The following CNIH3 variants were observed in gnomAD, a reference collection of about 807,000 sequenced individuals.
CNIH3 encodes the protein cornichon family AMPA receptor auxiliary protein 3.
CNIH3 carries 14 observed loss-of-function variants against 24.1 expected under a neutral mutation model. That is an observed-to-expected ratio of 0.58 (90% confidence interval 0.38 to 0.91). The LOEUF (loss-of-function observed/expected upper bound fraction) is 0.91, where lower values mean the gene tolerates loss of function less well. Among genes scored for constraint, CNIH3 ranks in the 40% least tolerant of loss-of-function variants. The probability of loss-of-function intolerance (pLI) is 0.00; values close to 1 mark genes in which losing one functional copy is unlikely to be tolerated. For missense variants in CNIH3, 178 were observed against 196.8 expected (o/e 0.90, Z 0.57); for synonymous variants, 68 against 73.8 (o/e 0.92, Z 0.40).
At chr1:224,470,318 T>G (rs1399169339) in intron 1 of CNIH3, among the ~76,000 whole-genome samples, 1 of 130,488 alleles carries the variant, frequency 7.7e-6, no homozygotes, top group Non-Finnish European at 1.6e-5. Flanking sequence ...GTGCCTGGCC[T>G]TTTTTTTTTT....
At chr1:224,670,865 G>A (rs202060042) in intron 1 of CNIH3, among the ~76,000 whole-genome samples, 2 of 152,254 alleles carry the variant, frequency 1.3e-5, no homozygotes, top group Non-Finnish European at 1.5e-5. Flanking sequence ...TGGCTATGAT[G>A]TCTAGATATG....
At chr1:224,583,789 G>A (rs995181385) in intron 5 of CNIH3, among the ~76,000 whole-genome samples, 12 of 152,172 alleles carry the variant, frequency 7.9e-5, no homozygotes, top group Non-Finnish European at 1.6e-4. Flanking sequence ...TGAAATAGAA[G>A]GTGATTGTAA....
intron 1 of CNIH3, among the ~76,000 whole-genome samples, chr1:224,461,062 G>T (rs1457115513): frequency 6.6e-6 from 1 of 151,216 alleles, no homozygotes; most frequent in Non-Finnish European, 1.5e-5. Flanking sequence ...GAGTGCAGTG[G>T]GGCGAGCTCA....
At chr1:224,735,253 T>G (rs1442911110) in intron 5 of CNIH3, among the ~76,000 whole-genome samples, 1 of 152,192 alleles carries the variant, frequency 6.6e-6, no homozygotes, top group Non-Finnish European at 1.5e-5. Context: ...CCATTCCAAT[T>G]AAGAAAAACC....
chr1:224,726,746 T>A (rs1689045495), intron 3 of CNIH3, among the ~76,000 whole-genome samples: 1 of 152,170 alleles, frequency 6.6e-6, no homozygotes, highest in Admixed American at 6.5e-5. Flanking sequence ...CCACAATACT[T>A]ATATTGAGAT....
Position 224,703,401 on chromosome 1 carries a change from C to T in CNIH3, c.198+18558C>T, listed in dbSNP as rs13375148. Among the ~76,000 whole-genome samples the T allele has an allele frequency of 6.6e-3, 998 of 152,256 alleles. 11 individuals are homozygous for T. Among genetic ancestry groups the T allele is most frequent in the African/African-American group, 0.023 (935 of 41,542 alleles). On this transcript the variant is annotated intron_variant, in intron 3 of 5. Coordinates refer to ENST00000272133, the MANE Select transcript of CNIH3 (RefSeq NM_152495.2). The surrounding 1 kb of genome is among the most constrained non-coding windows in gnomAD (Gnocchi z 4.2). Reference sequence around the variant, plus strand: ...GGGGGAAATTTTAAAAATCCTGATGCCCAGAATTCATCCCAAACCAATTAA... The same window carrying T: ...GGGGGAAATTTTAAAAATCCTGATGTCCAGAATTCATCCCAAACCAATTAA...
At chr1:224,666,530 A>C (rs1399948440) in intron 1 of CNIH3, among the ~76,000 whole-genome samples, 2 of 152,206 alleles carry the variant, frequency 1.3e-5, no homozygotes, top group South Asian at 2.1e-4. Context: ...GTTTTTCTGC[A>C]GGTGATCATT....
chr1:224,730,846 GGA>G (rs943371884), intron 4 of CNIH3, among the ~76,000 whole-genome samples: 22 of 152,266 alleles, frequency 1.4e-4, no homozygotes, highest in Admixed American at 1.2e-3. Flanking sequence ...GCCAAAGAGT[GGA>G]ACCAACCCAA....
At chr1:224,571,761 A>G (rs1558171624) in intron 4 of CNIH3, among the ~76,000 whole-genome samples, 1 of 152,070 alleles carries the variant, frequency 6.6e-6, no homozygotes, top group Non-Finnish European at 1.5e-5. Context: ...AGCAGGTCCA[A>G]CAGGAAGAGG....
At chr1:224,533,096 T>C (rs1325664954) in intron 2 of CNIH3, among the ~76,000 whole-genome samples, 3 of 152,140 alleles carry the variant, frequency 2.0e-5, no homozygotes, top group Admixed American at 6.5e-5. Flanking sequence ...TGAGTCAGGC[T>C]GTGAGAAAAG....
chr1:224,666,847 C>T (rs1252777733), intron 1 of CNIH3, among the ~76,000 whole-genome samples: 1 of 152,234 alleles, frequency 6.6e-6, no homozygotes, highest in Non-Finnish European at 1.5e-5. Context: ...CTTCTCCACT[C>T]TTGGGCTACC....
chr1:224,720,041 G>A (rs560320791), intron 3 of CNIH3, among the ~76,000 whole-genome samples: 14 of 152,236 alleles, frequency 9.2e-5, no homozygotes, highest in South Asian at 2.1e-4. Context: ...GGGTCAGGAC[G>A]TTCAGCAAAT....
At chr1:224,736,477 G>A (rs900226522) in intron 5 of CNIH3, among the ~76,000 whole-genome samples, 13 of 152,246 alleles carry the variant, frequency 8.5e-5, no homozygotes, top group African/African-American at 3.1e-4. Context: ...CTTCATCAAA[G>A]TGTGGGGTAA....
chr1:224,547,556 C>T (rs1316435407), intron 3 of CNIH3, among the ~76,000 whole-genome samples: 3 of 151,818 alleles, frequency 2.0e-5, no homozygotes, highest in Non-Finnish European at 4.4e-5. Context: ...CCTGTGTGTA[C>T]ACCCCCTGTG....
At chr1:224,570,082 C>A (rs1680755770) in intron 4 of CNIH3, among the ~76,000 whole-genome samples, 1 of 152,136 alleles carries the variant, frequency 6.6e-6, no homozygotes, top group Non-Finnish European at 1.5e-5. Flanking sequence ...CTGCACCCGG[C>A]AAAGCATATT....
intron 1 of CNIH3, among the ~76,000 whole-genome samples, chr1:224,477,160 G>A (rs533890833): frequency 5.3e-5 from 8 of 152,278 alleles, no homozygotes; most frequent in South Asian, 4.1e-4. Flanking sequence ...CAGTTTTTTG[G>A]CATCTCAGGG....
At chr1:224,574,341 T>C (rs1215729657) in intron 4 of CNIH3, 4 of 322,514 alleles carry the variant, frequency 1.2e-5, no homozygotes, top group African/African-American at 6.4e-5. Context: ...GACCAGGCAT[T>C]CTTAAAGACA....
At chr1:224,672,170 T>C (rs1385137820) in intron 1 of CNIH3, among the ~76,000 whole-genome samples, 1 of 152,030 alleles carries the variant, frequency 6.6e-6, no homozygotes, top group African/African-American at 2.4e-5. Flanking sequence ...CAGAATTCTC[T>C]CTAAATTAGA....
rs201657350 is a variant in CNIH3 at position 224,443,655 on chromosome 1, TTATA to T, written n.203+8800_203+8803del. 4.2e-5 allele frequency among the ~76,000 whole-genome samples: 6 copies of T among 144,096 alleles called. No homozygotes were observed. The South Asian group carries it at 8.4e-4, about 20-fold the overall frequency. The allele number at this position is 144,096 out of a possible 152,430, so 94.5% of individuals were successfully genotyped here. On this transcript the variant is annotated intron_variant and non_coding_transcript_variant, in intron 1 of 5. Coordinates refer to the CNIH3 transcript ENST00000471578. ...ATAGGTAAATGATTGCTCTGCCCAA[TTATA>T]TATATAGATAGATAGATAGATAGAT...
Sources: allele counts gnomAD v4.1 joint callset (sites outside exome capture counted in the v4.1 genomes callset), GRCh38; gene constraint gnomAD v4.1.1; non-coding constraint Gnocchi (gnomAD v3.1); transcripts MANE v1.5; gene names NCBI Gene and HGNC (gene_info 2026-07-23, HGNC 2026-07-21).